ST7L: variants seen among roughly 807,000 people sequenced by gnomAD.
ST7L encodes the protein suppressor of tumorigenicity 7 protein-like.
A neutral mutation model predicts 72.5 loss-of-function variants in ST7L; 57 were observed. That is an observed-to-expected ratio of 0.79 (90% confidence interval 0.64 to 0.98). ST7L has a LOEUF of 0.98. Ranked by LOEUF, ST7L falls within the 50% of genes least tolerant of loss-of-function variation. The pLI, the probability that ST7L is intolerant of heterozygous loss-of-function variation, is 0.00. For synonymous variants in ST7L, 221 were observed against 240.9 expected, an observed-to-expected ratio of 0.92 and a Z score of 0.77; for missense variants, 576 against 672.2, an observed-to-expected ratio of 0.86 and a Z score of 1.58.
At chr1:112,520,672 C>G, downstream of ST7L, 1 of 738,956 alleles carries the variant, frequency 1.4e-6, no homozygotes, top group South Asian at 1.9e-5. Context: ...TGGCTGGTTC[C>G]TTAGCCCTGG....
Position 112,610,962 on chromosome 1 carries a change from A to G in ST7L, c.330T>C (p.Phe110=). The G allele has an allele frequency of 6.2e-7, 1 of 1,614,212 alleles. No homozygotes were observed. Among genetic ancestry groups the G allele is most frequent in the African/African-American group, 1.3e-5 (1 of 75,076 alleles). Reference sequence around the variant, plus strand: ...AATGGCTTACAGATACTTGCTCAATAAAAGATGTGCCATGCTTATGGAAGT... The same window carrying G: ...AATGGCTTACAGATACTTGCTCAATGAAAGATGTGCCATGCTTATGGAAGT... ...WWYFHKHGTS[F]IEQVSVSHLQ... Residue 110 remains phenylalanine (F), a synonymous_variant, in exon 3 of 15, where the codon TTT becomes TTC. Transcript: ENST00000358039.
chr1:112,582,574 T>C, intron 7 of ST7L, 102 bp from the exon 8 acceptor site: 2 of 594,388 alleles, frequency 3.4e-6, no homozygotes, highest in South Asian at 5.8e-5. Context: ...CTTGGAAGAG[T>C]CAATTAAAAT....
intron 11 of ST7L, among the ~76,000 whole-genome samples, chr1:112,572,908 G>A (rs898182913): frequency 5.3e-5 from 8 of 151,928 alleles, no homozygotes; most frequent in African/African-American, 1.9e-4. Context: ...TTGAAGGAAG[G>A]CAATAAAGAG....
intron 1 of ST7L, 105 bp downstream of exon 1, chr1:112,618,804 C>A: frequency 6.8e-7 from 1 of 1,477,176 alleles, no homozygotes; most frequent in Non-Finnish European, 9.0e-7. Context: ...ATCATCGACT[C>A]CTCAGAGGCC....
chr1:112,604,265 T>G (rs533007108), intron 3 of ST7L, among the ~76,000 whole-genome samples: 1 of 152,192 alleles, frequency 6.6e-6, no homozygotes, highest in South Asian at 2.1e-4. Flanking sequence ...GCCGAAATGG[T>G]GCCACTATAC....
intron 2 of ST7L, among the ~76,000 whole-genome samples, chr1:112,614,974 AAAAGTTGAATT>A (rs2101070569): frequency 1.3e-5 from 2 of 152,228 alleles, no homozygotes; most frequent in South Asian, 4.2e-4. Context: ...TTCTTCAAGG[AAAAGTTGAATT>A]AAAGTTAAAC....
intron 6 of ST7L, among the ~76,000 whole-genome samples, chr1:112,590,875 G>C (rs1253494373): frequency 6.8e-6 from 1 of 147,510 alleles, no homozygotes; most frequent in East Asian, 2.0e-4. Flanking sequence ...TTAAGTGAAT[G>C]TTTTAAACGA....
At chr1:112,607,109 G>C (rs899215701) in intron 3 of ST7L, 1 of 152,144 alleles carries the variant, frequency 6.6e-6, no homozygotes, top group Non-Finnish European at 1.5e-5. Context: ...TGAGGTCCTG[G>C]ATAATTTTTT....
At position 112,582,415 on chromosome 1, in the gene ST7L, T is replaced by A. The variant is rs1664262094; in HGVS notation, c.914A>T (p.Lys305Ile). 6.2e-7 allele frequency: 1 copy of A among 1,608,936 alleles called. No homozygotes were observed. The highest frequency in any genetic ancestry group is 1.3e-5 in the African/African-American group (1 of 74,962). ...TACTGCTTCTCTTATTCTTCCTAAT[T>A]TTCTTGCACACATTGCCAATCTTCT... is the stretch of plus-strand genomic sequence containing the variant. ...IKRRLAMCAR[K>I]LGRIREAVKI... Residue 305 changes from lysine (K) to isoleucine (I), a missense_variant, in exon 8 of 15, where the codon AAA becomes ATA. Physicochemically the swap from Lys to Ile is moderately radical, Grantham distance 102. This residue lies in a region of ST7L where 511 missense variants were observed against 600.7 expected (regional missense o/e 0.85). Coordinates refer to ENST00000358039, the MANE Select transcript of ST7L (RefSeq NM_017744.5).
At chr1:112,528,141 CTT>C (rs1653767821) in intron 14 of ST7L, 1 of 151,988 alleles carries the variant, frequency 6.6e-6, no homozygotes, top group African/African-American at 2.4e-5. Context: ...CAGGAGGTGA[CTT>C]TTGAGTTGAA....
At chr1:112,566,294 C>CTTTTTTTTTTT (rs33915951) in intron 11 of ST7L, among the ~76,000 whole-genome samples, 1 of 108,976 alleles carries the variant, frequency 9.2e-6, no homozygotes, top group Non-Finnish European at 1.7e-5. Flanking sequence ...TTTTCTTCTT[C>CTTTTTTTTTTT]TTCTTTTTTT....
intron 3 of ST7L, among the ~76,000 whole-genome samples, chr1:112,608,919 C>T (rs932521003): frequency 3.3e-5 from 5 of 152,150 alleles, no homozygotes; most frequent in Non-Finnish European, 5.9e-5. Context: ...ACTATCATAA[C>T]TCTAGTGGTA....
chr1:112,591,780 A>C (rs1354899430), intron 5 of ST7L, among the ~76,000 whole-genome samples, 177 bp from the exon 6 acceptor site: 1 of 152,184 alleles, frequency 6.6e-6, no homozygotes, highest in Non-Finnish European at 1.5e-5. Context: ...TTAAATTTGT[A>C]AGCTTCACAT....
chr1:112,587,646 T>C lies in ST7L; in HGVS notation c.702-3520A>G, dbSNP rs374728956. Among the ~76,000 whole-genome samples the C allele has an allele frequency of 3.9e-5, 6 of 152,170 alleles. No individual in the cohort carries two copies. In the East Asian group the frequency reaches 7.7e-4, roughly 20 times the overall value. ...AACCATCAACTGACCATAGATAATATGGGTTTATTTCTGGAATCTCAATTT... is the reference window on the plus strand; with the variant it reads ...AACCATCAACTGACCATAGATAATACGGGTTTATTTCTGGAATCTCAATTT... On this transcript the variant is annotated intron_variant, in intron 6 of 14. Transcript: ENST00000358039.
At chr1:112,613,119 GA>G (rs879900751) in intron 2 of ST7L, among the ~76,000 whole-genome samples, 21 of 142,010 alleles carry the variant, frequency 1.5e-4, no homozygotes, top group South Asian at 2.2e-4. Context: ...ACACTGTTTC[GA>G]AAAAAAAAAA....
intron 14 of ST7L, among the ~76,000 whole-genome samples, chr1:112,541,284 A>G (rs74581384): frequency 6.9e-6 from 1 of 143,950 alleles, no homozygotes; most frequent in African/African-American, 2.5e-5. Context: ...CTTGTCTCAG[A>G]AAAAAAAAAA....
At chr1:112,611,177 G>A (rs1394091878) in intron 2 of ST7L, among the ~76,000 whole-genome samples, 174 bp from the exon 3 acceptor site, 2 of 152,122 alleles carry the variant, frequency 1.3e-5, no homozygotes. Flanking sequence ...ACGTAAAAGT[G>A]AAATACATTT....
Position 112,555,879 on chromosome 1 carries a change from G to A in ST7L, c.1385C>T (p.Thr462Ile), listed in dbSNP as rs1037907895. The A allele has an allele frequency of 1.3e-6, 2 of 1,573,036 alleles. No individual in the cohort carries two copies. Among genetic ancestry groups the A allele is most frequent in the Non-Finnish European group, 1.7e-6 (2 of 1,158,442 alleles). Reference protein sequence around the residue: ...IEGALNLLQCTWEGTFRMIPY... With the variant: ...IEGALNLLQCIWEGTFRMIPY... ...AAAAGAATACTTACTGCCTTCCCAT[G>A]TACACTGTAACAGATTAAGAGCACC... is the stretch of plus-strand genomic sequence containing the variant. Residue 462 changes from threonine to isoleucine, a missense_variant, in exon 12 of 15, where the codon ACA (threonine) becomes ATA (isoleucine). By Grantham distance (89) the Thr-to-Ile change is moderately conservative. Around this residue, in one of 3 missense-constraint regions of ST7L, gnomAD observed 511 missense variants for 600.7 expected, o/e 0.85. Coordinates refer to ENST00000358039, the MANE Select transcript of ST7L (RefSeq NM_017744.5).
intron 11 of ST7L, among the ~76,000 whole-genome samples, chr1:112,575,791 C>T (rs971620253): frequency 2.0e-5 from 3 of 152,074 alleles, no homozygotes; most frequent in Non-Finnish European, 2.9e-5. Context: ...ATGGGTGAAC[C>T]GCTGTCTTTA....
Sources: allele counts gnomAD v4.1 joint callset (sites outside exome capture counted in the v4.1 genomes callset), GRCh38; gene constraint gnomAD v4.1.1; regional missense constraint gnomAD v4.1.1; transcripts MANE v1.5; gene names NCBI Gene and HGNC (gene_info 2026-07-23, HGNC 2026-07-21).